The following PRIMA1 variants were observed in gnomAD, a reference collection of about 807,000 sequenced individuals.
The protein encoded by PRIMA1 is proline rich membrane anchor 1, also known as proline-rich membrane anchor 1.
A neutral mutation model predicts 17.5 loss-of-function variants in PRIMA1; 7 were observed. The observed-to-expected ratio is 0.40, with a 90% CI of 0.23 to 0.75. PRIMA1 has a LOEUF of 0.75. PRIMA1 is among the 30% of genes least tolerant of loss of function. PRIMA1 has a pLI of 0.37. For missense variants in PRIMA1, 200 were observed against 201.8 expected (o/e 0.99, Z 0.05); for synonymous variants, 97 against 77.9 (o/e 1.25, Z -1.29).
Position 93,787,769 on chromosome 14 carries a change from A to G in PRIMA1, c.-31-20T>C. On this transcript the variant is annotated intron_variant, in intron 1 of 4. Transcript: ENST00000393140. ...GGCGAACTGTCAGGAGAGCAAGGCT[A>G]GGGTCAGGCGGACACCGCGCAGGCA... 2.0e-6 allele frequency: 3 copies of G among 1,531,638 alleles called. No individual in the cohort carries two copies. The highest frequency in any genetic ancestry group is 2.6e-6 in the Non-Finnish European group (3 of 1,142,192). The allele number at this position is 1,531,638 out of a possible 1,614,324, so 94.9% of individuals were successfully genotyped here.
chr14:93,774,895 G>C (rs1316948704), intron 3 of PRIMA1, among the ~76,000 whole-genome samples: 3 of 152,212 alleles, frequency 2.0e-5, no homozygotes, highest in African/African-American at 7.2e-5. Context: ...CTATTTTATA[G>C]AGGAAGAAAT....
chr14:93,772,619 A>T (rs1030369122), intron 3 of PRIMA1, among the ~76,000 whole-genome samples: 3 of 152,388 alleles, frequency 2.0e-5, no homozygotes, highest in African/African-American at 7.2e-5. Context: ...TAGCTCTGCC[A>T]GGGTTCATGC....
chr14:93,746,033 C>G (rs1002831273), intron 3 of PRIMA1, among the ~76,000 whole-genome samples: 10 of 152,274 alleles, frequency 6.6e-5, no homozygotes, highest in Admixed American at 3.9e-4. Flanking sequence ...TGATTCCCCT[C>G]CTATATCCCC....
At chr14:93,785,901 C>A (rs1467099670) in intron 2 of PRIMA1, among the ~76,000 whole-genome samples, 1 of 147,000 alleles carries the variant, frequency 6.8e-6, no homozygotes. Flanking sequence ...GACACCCCTG[C>A]ATACACACAC....
chr14:93,775,050 G>A (rs919189917), intron 3 of PRIMA1, among the ~76,000 whole-genome samples: 1 of 152,232 alleles, frequency 6.6e-6, no homozygotes, highest in Admixed American at 6.5e-5. Context: ...TGCTGATGTG[G>A]ATAAGTCCCT....
intron 3 of PRIMA1, among the ~76,000 whole-genome samples, chr14:93,758,414 C>T (rs997148472): frequency 2.0e-5 from 3 of 151,752 alleles, no homozygotes; most frequent in Non-Finnish European, 4.4e-5. Context: ...GGCAAAACCC[C>T]ATCTCTACTA....
At chr14:93,771,766 T>C (rs1885076129) in intron 3 of PRIMA1, among the ~76,000 whole-genome samples, 1 of 152,176 alleles carries the variant, frequency 6.6e-6, no homozygotes, top group Non-Finnish European at 1.5e-5. Context: ...AGTCAGGTTC[T>C]ACTTCGAAGG....
chr14:93,730,204 A>G (rs1275049343), intron 4 of PRIMA1, among the ~76,000 whole-genome samples: 1 of 152,186 alleles, frequency 6.6e-6, no homozygotes, highest in Non-Finnish European at 1.5e-5. Context: ...GTAAGATGAG[A>G]TGACCAATCC....
At chr14:93,736,754 C>G (rs1271823223) in intron 4 of PRIMA1, among the ~76,000 whole-genome samples, 1 of 152,260 alleles carries the variant, frequency 6.6e-6, no homozygotes, top group Non-Finnish European at 1.5e-5. Flanking sequence ...AAAGAGTAAA[C>G]TTAAATATTT....
chr14:93,748,209 G>A (rs962437284), intron 3 of PRIMA1, among the ~76,000 whole-genome samples: 3 of 152,088 alleles, frequency 2.0e-5, no homozygotes, highest in Non-Finnish European at 2.9e-5. Context: ...GCCTGTGCCC[G>A]GTGTGTGTGA....
chr14:93,748,024 G>T (rs942528359), intron 3 of PRIMA1, among the ~76,000 whole-genome samples: 1 of 130,818 alleles, frequency 7.6e-6, no homozygotes, highest in Non-Finnish European at 1.6e-5. Context: ...GTGAGAGTGG[G>T]GGACTGTGTG....
chr14:93,729,867 G>C (rs2076102594), intron 4 of PRIMA1, among the ~76,000 whole-genome samples: 2 of 152,026 alleles, frequency 1.3e-5, no homozygotes, highest in African/African-American at 4.8e-5. Context: ...ATGGGGAAGG[G>C]AGAGAATGGC....
intron 2 of PRIMA1, among the ~76,000 whole-genome samples, chr14:93,785,058 T>G (rs1385694829): frequency 6.6e-6 from 1 of 151,734 alleles, no homozygotes. Flanking sequence ...AACTAGTACT[T>G]TAGGAGGGCA....
At chr14:93,787,492 C>A (rs959674415) in intron 2 of PRIMA1, 134 bp downstream of exon 2, 6 of 1,318,058 alleles carry the variant, frequency 4.6e-6, no homozygotes, top group Admixed American at 2.1e-5. Context: ...ACCGTAGCAG[C>A]TTTTCTTTTC....
At chr14:93,756,223 G>T (rs748328633) in intron 3 of PRIMA1, among the ~76,000 whole-genome samples, 1 of 152,124 alleles carries the variant, frequency 6.6e-6, no homozygotes, top group Non-Finnish European at 1.5e-5. Flanking sequence ...AAATATCTTT[G>T]ATTTTAAATA....
At chr14:93,739,295 G>C (rs184256894) in intron 3 of PRIMA1, among the ~76,000 whole-genome samples, 1 of 152,160 alleles carries the variant, frequency 6.6e-6, no homozygotes, top group African/African-American at 2.4e-5. Context: ...CAGGTGATCT[G>C]CCCACCTCGG....
chr14:93,779,453 A>C (rs35980137), intron 2 of PRIMA1, 142 bp from the exon 3 acceptor site: 48,505 of 693,552 alleles, frequency 0.07, 2,130 homozygotes, highest in East Asian at 0.18. Context: ...GAATCAACAG[A>C]AGTCGGATTG....
At chr14:93,722,617 G>A (rs1368506944) in intron 4 of PRIMA1, among the ~76,000 whole-genome samples, 1 of 151,798 alleles carries the variant, frequency 6.6e-6, no homozygotes, top group Non-Finnish European at 1.5e-5. Flanking sequence ...TGGTGGTGGA[G>A]GTGGTATTGG....
At chr14:93,744,197 G>A (rs929263370) in intron 3 of PRIMA1, among the ~76,000 whole-genome samples, 3 of 152,200 alleles carry the variant, frequency 2.0e-5, no homozygotes, top group Admixed American at 6.5e-5. Context: ...CAAAGGACGC[G>A]GTTTCTCAGA....
Sources: gnomAD v4.1 joint callset for allele counts (sites outside exome capture counted in the v4.1 genomes callset) on GRCh38, gnomAD v4.1.1 for gene constraint, MANE v1.5 for transcripts, NCBI Gene and HGNC (gene_info 2026-07-23, HGNC 2026-07-21) for gene names.